The following DOK6 variants were observed in gnomAD, a reference collection of about 807,000 sequenced individuals.
DOK6 encodes docking protein 6, also known as downstream of tyrosine kinase 6.
Under a neutral mutation model 44.0 loss-of-function variants are expected in DOK6, and 22 were observed. That is an observed-to-expected ratio of 0.50 (90% CI 0.36 to 0.71). DOK6 has a LOEUF of 0.71. Among genes scored for constraint, DOK6 ranks in the 30% least tolerant of loss-of-function variants. The pLI is 0.00. For missense variants in DOK6, 340 were observed against 416.4 expected, an observed-to-expected ratio of 0.82 and a Z score of 1.60; for synonymous variants, 166 against 145.5, an observed-to-expected ratio of 1.14 and a Z score of -1.01.
At chr18:69,760,270 A>C (rs1461098502) in intron 7 of DOK6, among the ~76,000 whole-genome samples, 2 of 152,206 alleles carry the variant, frequency 1.3e-5, no homozygotes, top group Admixed American at 1.3e-4. Context: ...GAAGAAATAA[A>C]AAGAGAAATT....
chr18:69,836,617 C>T (rs1378299620), intron 7 of DOK6, among the ~76,000 whole-genome samples: 1 of 151,960 alleles, frequency 6.6e-6, no homozygotes, highest in Non-Finnish European at 1.5e-5. Context: ...AACCAATAAC[C>T]ATTAACAATT....
intron 3 of DOK6, among the ~76,000 whole-genome samples, chr18:69,636,054 C>A (rs1984799605): frequency 1.3e-5 from 2 of 152,140 alleles, no homozygotes; most frequent in Non-Finnish European, 2.9e-5. Flanking sequence ...AGGTCTCCAG[C>A]AAGCCCCAAT....
chr18:69,616,751 GT>G (rs1411227098), intron 3 of DOK6, among the ~76,000 whole-genome samples: 1 of 152,104 alleles, frequency 6.6e-6, no homozygotes, highest in Non-Finnish European at 1.5e-5. Flanking sequence ...TCACTTCCAA[GT>G]TTTACCATAT....
chr18:69,653,691 C>A (rs1985289528), intron 3 of DOK6, among the ~76,000 whole-genome samples: 1 of 152,178 alleles, frequency 6.6e-6, no homozygotes, highest in Non-Finnish European at 1.5e-5. Context: ...AGCTGAGTCC[C>A]AGACTGCATA....
intron 1 of DOK6, among the ~76,000 whole-genome samples, chr18:69,550,783 T>A (rs1295646454): frequency 6.9e-6 from 1 of 144,942 alleles, no homozygotes; most frequent in Admixed American, 6.9e-5. Flanking sequence ...CTTTCTTTTT[T>A]TTTTTTTTTT....
chr18:69,537,132 G>A (rs969640055), intron 1 of DOK6, among the ~76,000 whole-genome samples: 1 of 151,814 alleles, frequency 6.6e-6, no homozygotes, highest in African/African-American at 2.4e-5. Flanking sequence ...CACCTCATCC[G>A]GCCAATACAG....
At chr18:69,566,607 G>C (rs954499921) in intron 2 of DOK6, among the ~76,000 whole-genome samples, 1 of 152,176 alleles carries the variant, frequency 6.6e-6, no homozygotes, top group Non-Finnish European at 1.5e-5. Context: ...TCTGCTCTAC[G>C]CTAGGCATTC....
intron 5 of DOK6, among the ~76,000 whole-genome samples, chr18:69,704,475 CTTTT>C (rs10685670): frequency 9.3e-6 from 1 of 107,184 alleles, no homozygotes; most frequent in African/African-American, 3.7e-5. Flanking sequence ...CCAGATATGA[CTTTT>C]TTTTTTTTTT....
At chr18:69,833,911 T>A (rs1266138848) in intron 7 of DOK6, among the ~76,000 whole-genome samples, 1 of 152,188 alleles carries the variant, frequency 6.6e-6, no homozygotes, top group Non-Finnish European at 1.5e-5. Context: ...AAATAACAAA[T>A]GCTGTCAAGG....
At chr18:69,436,926 T>C (rs1978996563) in intron 1 of DOK6, among the ~76,000 whole-genome samples, 1 of 152,256 alleles carries the variant, frequency 6.6e-6, no homozygotes, top group African/African-American at 2.4e-5. Context: ...ATGAGCTTTT[T>C]TTCTATGTTT....
chr18:69,544,710 T>C (rs7230140), intron 1 of DOK6, among the ~76,000 whole-genome samples: 67,730 of 151,102 alleles, frequency 0.45, 16,758 homozygotes, highest in East Asian at 0.64. Flanking sequence ...CAAACTGAAC[T>C]GCTCGTACAT....
chr18:69,403,707 T>G (rs985259237), intron 1 of DOK6, among the ~76,000 whole-genome samples: 55 of 152,208 alleles, frequency 3.6e-4, no homozygotes, highest in African/African-American at 1.3e-3. Flanking sequence ...TGCAGAAGAG[T>G]GAATTTAAAT....
chr18:69,618,158 A>C (rs1244530606), intron 3 of DOK6, among the ~76,000 whole-genome samples: 5 of 152,172 alleles, frequency 3.3e-5, no homozygotes, highest in Admixed American at 3.3e-4. Flanking sequence ...CCTCCAGAAG[A>C]AGCCAACCAT....
chr18:69,740,572 G>A (rs145224474), intron 6 of DOK6, among the ~76,000 whole-genome samples: 3 of 152,242 alleles, frequency 2.0e-5, no homozygotes, highest in African/African-American at 7.2e-5. Flanking sequence ...TTCACATACT[G>A]TAATTATCTG....
intron 6 of DOK6, among the ~76,000 whole-genome samples, chr18:69,748,419 A>G (rs544299638): frequency 6.6e-6 from 1 of 152,192 alleles, no homozygotes; most frequent in Non-Finnish European, 1.5e-5. Flanking sequence ...ACAACAAAAT[A>G]TGCATTCTTC....
At chr18:69,699,479 A>G (rs898000423) in intron 5 of DOK6, among the ~76,000 whole-genome samples, 7 of 152,300 alleles carry the variant, frequency 4.6e-5, no homozygotes, top group African/African-American at 1.4e-4. Flanking sequence ...GGAGGGAAAA[A>G]ACAAACAAAA....
Position 69,841,491 on chromosome 18 carries a change from G to T in DOK6, c.*108G>T. ...CCAATTGCAGTACAAATTGAAATGG[G>T]TCGGCTCTAGCCCCAGTCCCATTGG... On this transcript the variant is annotated 3_prime_UTR_variant, in exon 8 of 8. Coordinates refer to ENST00000382713, the MANE Select transcript of DOK6 (RefSeq NM_152721.6). 2 of 1,479,892 alleles carry T rather than the reference G, an allele frequency of 1.4e-6. No individual in the cohort carries two copies. The highest frequency in any genetic ancestry group is 2.6e-5 in the South Asian group (2 of 75,858). 91.7% of individuals were successfully genotyped at this position (1,479,892 alleles called of 1,614,324 possible). A position where few individuals can be genotyped will look rare whatever the true frequency, so the allele number is the denominator to read the frequency against.
intron 1 of DOK6, among the ~76,000 whole-genome samples, chr18:69,557,936 C>T (rs766281373): frequency 1.3e-5 from 2 of 152,126 alleles, no homozygotes; most frequent in African/African-American, 2.4e-5. Context: ...ACTGCCCCAT[C>T]TCTTCCCACC....
At chr18:69,703,734 G>A (rs922203966) in intron 5 of DOK6, among the ~76,000 whole-genome samples, 2 of 152,258 alleles carry the variant, frequency 1.3e-5, no homozygotes, top group South Asian at 4.1e-4. Flanking sequence ...GGAAGAAGGT[G>A]GGAACATTCT....
Sources: allele counts gnomAD v4.1 joint callset (sites outside exome capture counted in the v4.1 genomes callset), GRCh38; gene constraint gnomAD v4.1.1; transcripts MANE v1.5; gene names NCBI Gene and HGNC (gene_info 2026-07-23, HGNC 2026-07-21).